The following HNRNPLL variants were observed in gnomAD, a reference collection of about 807,000 sequenced individuals.
HNRNPLL encodes the protein heterogeneous nuclear ribonucleoprotein L like, also known as heterogeneous nuclear ribonucleoprotein L-like.
A neutral mutation model predicts 67.1 loss-of-function variants in HNRNPLL; 25 were observed. That is an observed-to-expected ratio of 0.37 (90% CI 0.27 to 0.52). HNRNPLL has a LOEUF of 0.52. Ranked by LOEUF, HNRNPLL falls within the 20% of genes least tolerant of loss-of-function variation. The pLI is 0.90. For missense variants in HNRNPLL, 542 were observed against 673.9 expected (o/e 0.80, Z 2.17); for synonymous variants, 267 against 241.7 (o/e 1.10, Z -0.97).
Position 38,563,616 on chromosome 2 carries a change from T to G in HNRNPLL, c.*566A>C, listed in dbSNP as rs1431161205. 2.0e-5 allele frequency: 3 copies of G among 152,170 alleles called. No homozygotes were observed. Among genetic ancestry groups the G allele is most frequent in the Non-Finnish European group, 4.4e-5 (3 of 67,972 alleles). The allele number at this position is 152,170 out of a possible 1,614,324, so 9.4% of individuals were successfully genotyped here. A position where few individuals can be genotyped will look rare whatever the true frequency, so the allele number is the denominator to read the frequency against. On this transcript the variant is annotated 3_prime_UTR_variant, in exon 13 of 13. Coordinates refer to ENST00000449105, the MANE Select transcript of HNRNPLL (RefSeq NM_138394.4). ...ATACACCAATTTAAATAAGTTTGAATGCATACTGTACACGTGTATCCATGT... is the reference window on the plus strand; with the variant it reads ...ATACACCAATTTAAATAAGTTTGAAGGCATACTGTACACGTGTATCCATGT...
chr2:38,569,043 A>T, intron 10 of HNRNPLL, 90 bp downstream of exon 10: 1 of 909,658 alleles, frequency 1.1e-6, no homozygotes, highest in Non-Finnish European at 1.8e-6. Flanking sequence ...AAAGCAAAAG[A>T]ATGAGCAAAA....
Position 38,583,840 on chromosome 2 carries a change from T to C in HNRNPLL, c.632+1A>G, listed in dbSNP as rs749757392. 6.9e-7 allele frequency: 1 copy of C among 1,450,602 alleles called. No homozygotes were observed. The highest frequency in any genetic ancestry group is 2.3e-5 in the East Asian group (1 of 43,080). 89.9% of individuals were successfully genotyped at this position (1,450,602 alleles called of 1,614,324 possible). ...AATAAAAATTTACAAATAAAGGATA[T>C]TCAACCATTGCTTGTATCCCATTTC... is the stretch of plus-strand genomic sequence containing the variant. On this transcript the variant is annotated splice_donor_variant, in intron 4 of 12. Transcript: ENST00000449105. LOFTEE classifies it high-confidence loss of function.
intron 1 of HNRNPLL, among the ~76,000 whole-genome samples, chr2:38,593,799 G>A (rs1414063473): frequency 6.6e-6 from 1 of 150,858 alleles, no homozygotes; most frequent in South Asian, 2.1e-4. Context: ...GGAGGCACAG[G>A]CTGCAGTGAG....
At chr2:38,577,951 C>T (rs1000602270) in intron 6 of HNRNPLL, 1 of 471,464 alleles carries the variant, frequency 2.1e-6, no homozygotes, top group South Asian at 1.5e-5. Context: ...AACAGCAACA[C>T]ATTTTCAAAG....
Position 38,602,784 on chromosome 2 carries a change from G to A in HNRNPLL, c.-158C>T, listed in dbSNP as rs1667506828. On this transcript the variant is annotated 5_prime_UTR_variant, in exon 1 of 13. Coordinates refer to ENST00000449105, the MANE Select transcript of HNRNPLL (RefSeq NM_138394.4). ...GGGACTGCGCGGCCAGGAGACTGGC[G>A]GCTGAGAAGCGCGGACGGACTGAGG... is the stretch of plus-strand genomic sequence containing the variant. 15 of 1,530,878 alleles carry A rather than the reference G, an allele frequency of 9.8e-6. No homozygotes were observed. The highest frequency in any genetic ancestry group is 2.0e-5 in the Admixed American group (1 of 49,304). The allele number at this position is 1,530,878 out of a possible 1,614,324, so 94.8% of individuals were successfully genotyped here.
intron 1 of HNRNPLL, among the ~76,000 whole-genome samples, chr2:38,598,850 T>C (rs1165405397): frequency 6.6e-6 from 1 of 152,166 alleles, no homozygotes; most frequent in Non-Finnish European, 1.5e-5. Flanking sequence ...GGCCTAAAAA[T>C]CCTCACTCTA....
Position 38,564,064 on chromosome 2 carries a change from C to G in HNRNPLL, c.*118G>C, listed in dbSNP as rs1033225440. 3.7e-5 allele frequency: 26 copies of G among 709,762 alleles called. No homozygotes were observed. The African/African-American group carries it at 4.5e-4, about 12-fold the overall frequency. The allele number at this position is 709,762 out of a possible 1,614,324, so 44.0% of individuals were successfully genotyped here. A position where few individuals can be genotyped will look rare whatever the true frequency, so the allele number is the denominator to read the frequency against. On this transcript the variant is annotated 3_prime_UTR_variant, in exon 13 of 13. Coordinates refer to ENST00000449105, the MANE Select transcript of HNRNPLL (RefSeq NM_138394.4). The stretch of plus-strand genomic sequence containing the variant: ...AAGGCAAAATATGTTTATTACAGAA[C>G]AGGATCTTAAAGTAAGCAAGGCAAC...
Position 38,568,374 on chromosome 2 carries a change from C to CTGT in HNRNPLL, c.1474+9_1474+11dup. 1 of 1,607,480 alleles carries CTGT rather than the reference C, an allele frequency of 6.2e-7. No individual in the cohort carries two copies. The highest frequency in any genetic ancestry group is 8.5e-7 in the Non-Finnish European group (1 of 1,174,346). On this transcript the variant is annotated intron_variant, in intron 11 of 12. Coordinates refer to ENST00000449105, the MANE Select transcript of HNRNPLL (RefSeq NM_138394.4). ...TAACCAGAAAGCTTTAAAAGAGGGA[C>CTGT]TGTTCACTTACGTTTTGCATCAAAC...
At chr2:38,576,323 CA>C (rs1322610259) in intron 7 of HNRNPLL, among the ~76,000 whole-genome samples, 2 of 151,664 alleles carry the variant, frequency 1.3e-5, no homozygotes, top group Non-Finnish European at 3.0e-5. Context: ...TATCAAAGTG[CA>C]AAAAACACCC....
chr2:38,579,882 A>AT (rs1666455299), intron 6 of HNRNPLL, among the ~76,000 whole-genome samples: 1 of 152,186 alleles, frequency 6.6e-6, no homozygotes, highest in African/African-American at 2.4e-5. Context: ...CTCGCAAGAC[A>AT]AATATCTGTA....
intron 2 of HNRNPLL, among the ~76,000 whole-genome samples, chr2:38,587,884 C>G (rs1666796037): frequency 6.6e-6 from 1 of 152,148 alleles, no homozygotes; most frequent in South Asian, 2.1e-4. Flanking sequence ...CACTATCCCC[C>G]TAGCGCTGTC....
chr2:38,596,773 G>GCTCT (rs909212035), intron 1 of HNRNPLL, among the ~76,000 whole-genome samples: 19 of 151,886 alleles, frequency 1.3e-4, no homozygotes, highest in African/African-American at 4.6e-4. Context: ...AGTTACCTAG[G>GCTCT]CTCTCTCTTT....
intron 1 of HNRNPLL, among the ~76,000 whole-genome samples, chr2:38,595,107 C>T (rs181630521): frequency 3.3e-4 from 50 of 151,374 alleles, no homozygotes; most frequent in African/African-American, 1.1e-3. Context: ...GGCAAAACCC[C>T]GTCTTTAGCA....
intron 2 of HNRNPLL, among the ~76,000 whole-genome samples, 183 bp from the exon 3 acceptor site, chr2:38,586,064 C>G (rs1666720081): frequency 6.6e-6 from 1 of 151,874 alleles, no homozygotes; most frequent in African/African-American, 2.4e-5. Context: ...CTCTGTCGCC[C>G]AGGCTGGAGT....
chr2:38,597,967 G>A (rs978189372), intron 1 of HNRNPLL, among the ~76,000 whole-genome samples: 2 of 151,900 alleles, frequency 1.3e-5, no homozygotes, highest in Non-Finnish European at 2.9e-5. Context: ...GATTACAGGC[G>A]TGAGCCACCG....
At chr2:38,596,595 T>C (rs1667203030) in intron 1 of HNRNPLL, among the ~76,000 whole-genome samples, 1 of 152,232 alleles carries the variant, frequency 6.6e-6, no homozygotes, top group African/African-American at 2.4e-5. Flanking sequence ...ATAACTTCTT[T>C]TAAGCATCAT....
At chr2:38,600,594 G>T (rs1338562807) in intron 1 of HNRNPLL, among the ~76,000 whole-genome samples, 1 of 151,944 alleles carries the variant, frequency 6.6e-6, no homozygotes, top group African/African-American at 2.4e-5. Context: ...TTGGCCCGGC[G>T]TGGTGATGCA....
intron 1 of HNRNPLL, among the ~76,000 whole-genome samples, chr2:38,599,527 TCAA>T (rs2148392716): frequency 6.6e-6 from 1 of 152,320 alleles, no homozygotes; most frequent in South Asian, 2.1e-4. Context: ...CAAGCCTTAT[TCAA>T]CAATGCAGCT....
At chr2:38,566,766 T>A (rs866097985) in intron 12 of HNRNPLL, among the ~76,000 whole-genome samples, 5 of 151,370 alleles carry the variant, frequency 3.3e-5, no homozygotes, top group African/African-American at 1.2e-4. Flanking sequence ...GGAGGATCAC[T>A]TGAGCTCAGG....
Sources: gnomAD v4.1 joint callset for allele counts (sites outside exome capture counted in the v4.1 genomes callset) on GRCh38, gnomAD v4.1.1 for gene constraint, MANE v1.5 for transcripts, NCBI Gene and HGNC (gene_info 2026-07-23, HGNC 2026-07-21) for gene names.